The following AFAP1L2 variants were observed in gnomAD, a reference collection of about 807,000 sequenced individuals.
The protein encoded by AFAP1L2 is actin filament-associated protein 1-like 2.
Under a neutral mutation model 99.3 loss-of-function variants are expected in AFAP1L2, and 46 were observed. That is an observed-to-expected ratio of 0.46 (90% CI 0.37 to 0.59). AFAP1L2 has a LOEUF of 0.59. Among genes scored for constraint, AFAP1L2 ranks in the 20% least tolerant of loss-of-function variants. AFAP1L2 has a pLI of 0.00. For missense variants in AFAP1L2, 959 were observed against 1,034.9 expected (o/e 0.93, Z 1.01); for synonymous variants, 397 against 419.1 (o/e 0.95, Z 0.64).
intron 15 of AFAP1L2, among the ~76,000 whole-genome samples, chr10:114,299,700 A>G (rs569667750): frequency 6.6e-6 from 1 of 152,254 alleles, no homozygotes; most frequent in African/African-American, 2.4e-5. Context: ...TAACATTTGA[A>G]TCAGTGGACT....
intron 1 of AFAP1L2, among the ~76,000 whole-genome samples, chr10:114,358,382 C>A (rs2051705749): frequency 6.6e-6 from 1 of 152,090 alleles, no homozygotes; most frequent in Admixed American, 6.5e-5. Context: ...TCTCACTGAA[C>A]TCAGACTCAT....
In AFAP1L2 at chr10:114,310,540, G is replaced by C. The variant is rs1405296288; in HGVS notation, c.793-97C>G. ...GGGCCCCTGCAGGTCAGGGGAGAGTGGGTGGAGGTGAGAGAGAAGATGAAT... is the reference window on the plus strand; with the variant it reads ...GGGCCCCTGCAGGTCAGGGGAGAGTCGGTGGAGGTGAGAGAGAAGATGAAT... On this transcript the variant is annotated intron_variant, in intron 7 of 18. Transcript: ENST00000304129. 105 of 1,061,580 alleles carry C rather than the reference G, an allele frequency of 9.9e-5. 1 individual carries two copies. Among genetic ancestry groups the C allele is most frequent in the Non-Finnish European group, 1.4e-4 (101 of 728,972 alleles). 65.8% of individuals were successfully genotyped at this position (1,061,580 alleles called of 1,614,324 possible). A position where few individuals can be genotyped will look rare whatever the true frequency, so the allele number is the denominator to read the frequency against.
intron 5 of AFAP1L2, among the ~76,000 whole-genome samples, chr10:114,320,913 C>T (rs1046848923): frequency 6.6e-6 from 1 of 152,180 alleles, no homozygotes; most frequent in Non-Finnish European, 1.5e-5. Context: ...AATCACAGCC[C>T]GACTGGTGAG....
At chr10:114,337,889 C>T (rs907747625) in intron 2 of AFAP1L2, among the ~76,000 whole-genome samples, 6 of 152,110 alleles carry the variant, frequency 3.9e-5, no homozygotes, top group Non-Finnish European at 5.9e-5. Context: ...AGTGAATCAT[C>T]CCCCTCCAAC....
Position 114,301,435 on chromosome 10 carries a change from G to GGC in AFAP1L2, c.1460_1461insGC (p.Asn487LysfsTer102). The GGC allele has an allele frequency of 6.2e-7, 1 of 1,614,182 alleles. No individual in the cohort carries two copies. On this transcript the variant is annotated frameshift_variant, in exon 13 of 19. Coordinates refer to ENST00000304129, the MANE Select transcript of AFAP1L2 (RefSeq NM_001001936.3). LOFTEE classifies it high-confidence loss of function. ...GGCTAGGCAGGCCATCGATGTAAGT[G>GGC]TTGGGCTCTGAGAACTTTCTCTGCA...
intron 1 of AFAP1L2, among the ~76,000 whole-genome samples, chr10:114,391,273 G>A (rs2057121559): frequency 6.6e-6 from 1 of 151,928 alleles, no homozygotes; most frequent in Non-Finnish European, 1.5e-5. Context: ...AGGCTGGAGT[G>A]CAGTAGTGAG....
intron 1 of AFAP1L2, among the ~76,000 whole-genome samples, chr10:114,382,593 T>TTA (rs2055819916): frequency 6.9e-6 from 1 of 145,658 alleles, no homozygotes; most frequent in Non-Finnish European, 1.5e-5. Context: ...CTTCTCTTTT[T>TTA]TTTTTTTTTT....
intron 1 of AFAP1L2, among the ~76,000 whole-genome samples, chr10:114,375,417 T>C (rs2054654984): frequency 2.0e-5 from 3 of 152,206 alleles, no homozygotes; most frequent in Admixed American, 2.0e-4. Flanking sequence ...ACTACTACTA[T>C]AGCCAGAGAG....
chr10:114,397,930 C>T (rs1353069715), intron 1 of AFAP1L2, among the ~76,000 whole-genome samples: 1 of 152,154 alleles, frequency 6.6e-6, no homozygotes, highest in Non-Finnish European at 1.5e-5. Context: ...GCTTAGAAAA[C>T]AGCAGAACAG....
At position 114,302,357 on chromosome 10, in the gene AFAP1L2, G is replaced by T. The variant is rs368717763; in HGVS notation, c.1412C>A (p.Ala471Glu). 1.8e-5 allele frequency: 29 copies of T among 1,614,156 alleles called. No homozygotes were observed. Among genetic ancestry groups the T allele is most frequent in the African/African-American group, 2.7e-5 (2 of 75,034 alleles). ...DADRVSCIVS[A>E]AKNSLLLMQR... Reference sequence around the variant, plus strand: ...TACTCACAAGAGAGAGTTTTTGGCCGCACTCACAATACAGGAGACCCTATC... The same window carrying T: ...TACTCACAAGAGAGAGTTTTTGGCCTCACTCACAATACAGGAGACCCTATC... Residue 471 changes from alanine (A) to glutamate (E), a missense_variant, in exon 12 of 19, where the codon GCG (alanine) becomes GAG (glutamate). This residue lies in a region of AFAP1L2 where 576 missense variants were observed against 562.1 expected (regional missense o/e 1.02). Transcript: ENST00000304129.
At chr10:114,291,234 C>T, downstream of AFAP1L2, 1 of 1,550,466 alleles carries the variant, frequency 6.4e-7, no homozygotes, top group South Asian at 1.2e-5. Context: ...TGAGACGCCC[C>T]TGAGGCACAT....
chr10:114,332,049 T>C, intron 3 of AFAP1L2, 152 bp from the exon 4 acceptor site: 1 of 453,202 alleles, frequency 2.2e-6, no homozygotes. Flanking sequence ...ACCGAAGTTG[T>C]TTTTCCTCCC....
chr10:114,361,328 A>G (rs562649511), intron 1 of AFAP1L2, among the ~76,000 whole-genome samples: 100 of 152,308 alleles, frequency 6.6e-4, no homozygotes, highest in African/African-American at 2.3e-3. Flanking sequence ...ACATGAGCAG[A>G]AAAAGGTGGG....
At chr10:114,304,583 T>C (rs1327463590) in intron 11 of AFAP1L2, 136 bp downstream of exon 11, 2 of 958,760 alleles carry the variant, frequency 2.1e-6, no homozygotes, top group African/African-American at 3.3e-5. Context: ...GCAAACAATC[T>C]CAGGCAAACG....
At chr10:114,404,057 G>C (rs1481237574) in intron 1 of AFAP1L2, among the ~76,000 whole-genome samples, 1 of 152,226 alleles carries the variant, frequency 6.6e-6, no homozygotes, top group East Asian at 1.9e-4. Context: ...TTTGCCCCCA[G>C]CAGCTCAGCA....
chr10:114,361,646 T>A (rs1389038135), intron 1 of AFAP1L2, among the ~76,000 whole-genome samples: 2 of 152,150 alleles, frequency 1.3e-5, no homozygotes, highest in African/African-American at 4.8e-5. Context: ...AGCTACGAGG[T>A]CACATCCTAT....
intron 4 of AFAP1L2, among the ~76,000 whole-genome samples, chr10:114,325,376 T>C (rs991825819): frequency 1.3e-5 from 2 of 152,168 alleles, no homozygotes; most frequent in Non-Finnish European, 2.9e-5. Flanking sequence ...TCCTGAAAGC[T>C]GAGACGAAGA....
At chr10:114,326,733 T>A (rs1284621017) in intron 4 of AFAP1L2, among the ~76,000 whole-genome samples, 1 of 152,186 alleles carries the variant, frequency 6.6e-6, no homozygotes, top group Non-Finnish European at 1.5e-5. Flanking sequence ...CTCCGACCAA[T>A]TCACTTGACC....
Position 114,323,192 on chromosome 10 carries a change from G to C in AFAP1L2, c.385C>G (p.Pro129Ala). Residue 129 changes from proline (P) to alanine (A), a missense_variant, in exon 5 of 19, where the codon CCA becomes GCA. Physicochemically the swap from Pro to Ala is conservative, Grantham distance 27. Around this residue, in one of 2 missense-constraint regions of AFAP1L2, gnomAD observed 383 missense variants for 472.8 expected, o/e 0.81. Transcript: ENST00000304129. ...GTACCATTGAGGGATGTGTCATATG[G>C]CTCAGCCTCTTCATAGTAGCCCTCT... ...SPEGYYEEAEPYDTSLNEDGE... is the reference protein window; with the variant it reads ...SPEGYYEEAEAYDTSLNEDGE... 1 of 1,599,660 alleles carries C rather than the reference G, an allele frequency of 6.3e-7. No homozygotes were observed. The highest frequency in any genetic ancestry group is 8.5e-7 in the Non-Finnish European group (1 of 1,172,094).
Sources: gnomAD v4.1 joint callset for allele counts (sites outside exome capture counted in the v4.1 genomes callset) on GRCh38, gnomAD v4.1.1 for gene constraint, gnomAD v4.1.1 regional missense constraint, MANE v1.5 for transcripts, NCBI Gene and HGNC (gene_info 2026-07-23, HGNC 2026-07-21) for gene names.